ITFG1: variants seen among roughly 807,000 people sequenced by gnomAD.
The protein encoded by ITFG1 is T-cell immunomodulatory protein.
Under a neutral mutation model 81.8 loss-of-function variants are expected in ITFG1, and 34 were observed. The ratio of observed to expected loss-of-function variants is 0.42; its 90% CI spans 0.32 to 0.55. The LOEUF is 0.55. Ranked by LOEUF, ITFG1 falls within the 20% of genes least tolerant of loss-of-function variation. ITFG1 has a pLI of 0.17. For synonymous variants in ITFG1, 285 were observed against 270.6 expected (o/e 1.05, Z -0.52); for missense variants, 672 against 755.4 (o/e 0.89, Z 1.29).
rs562512866 is a variant in ITFG1, at chr16:47,257,842, T to C, written c.1330+790A>G. Among the ~76,000 whole-genome samples, 7 of 152,300 alleles carry C rather than the reference T, an allele frequency of 4.6e-5. No individual in the cohort carries two copies. The South Asian group carries it at 8.3e-4, about 18-fold the overall frequency. On this transcript the variant is annotated intron_variant, in intron 12 of 17. Coordinates refer to ENST00000320640, the MANE Select transcript of ITFG1 (RefSeq NM_030790.5). ...GTGGTTTTGAAATACTGTTCTCTAC[T>C]AAAAGAGAGAAATGTCTGATTCCTT... is the stretch of plus-strand genomic sequence containing the variant.
At chr16:47,328,674 C>G (rs973672069) in intron 8 of ITFG1, among the ~76,000 whole-genome samples, 2 of 152,008 alleles carry the variant, frequency 1.3e-5, no homozygotes, top group African/African-American at 4.8e-5. Flanking sequence ...GCTATTAATT[C>G]TTTTGTCTAT....
intron 6 of ITFG1, among the ~76,000 whole-genome samples, chr16:47,392,326 C>T (rs987446616): frequency 6.6e-6 from 1 of 152,086 alleles, no homozygotes. Flanking sequence ...GGAAGTGAGC[C>T]CTGTGGATAT....
upstream of ITFG1, chr16:47,461,131 G>C: frequency 7.6e-7 from 1 of 1,309,766 alleles, no homozygotes. Context: ...AGAGAGTGGC[G>C]CGCAGCCCCG....
At chr16:47,424,193 G>A (rs562396266) in intron 6 of ITFG1, among the ~76,000 whole-genome samples, 17 of 152,024 alleles carry the variant, frequency 1.1e-4, no homozygotes, top group Non-Finnish European at 2.1e-4. Flanking sequence ...TTCAATCACT[G>A]ATACTCTTTG....
chr16:47,407,164 A>G (rs1005182899), intron 6 of ITFG1, among the ~76,000 whole-genome samples: 1 of 152,214 alleles, frequency 6.6e-6, no homozygotes, highest in African/African-American at 2.4e-5. Flanking sequence ...ATGGGAGACA[A>G]GGGTGGAAGC....
chr16:47,355,461 A>C (rs544672488), intron 8 of ITFG1, among the ~76,000 whole-genome samples: 1 of 152,294 alleles, frequency 6.6e-6, no homozygotes, highest in African/African-American at 2.4e-5. Context: ...CTGGTGTTCT[A>C]CTGCACAGTA....
intron 6 of ITFG1, among the ~76,000 whole-genome samples, chr16:47,422,437 T>C (rs1052854390): frequency 4.6e-5 from 7 of 152,238 alleles, no homozygotes; most frequent in Non-Finnish European, 7.3e-5. Flanking sequence ...ATCAGGGATA[T>C]TGGCCTAAAA....
At chr16:47,437,910 G>A (rs1043824440) in intron 5 of ITFG1, among the ~76,000 whole-genome samples, 3 of 152,240 alleles carry the variant, frequency 2.0e-5, no homozygotes, top group Non-Finnish European at 4.4e-5. Context: ...AAGCGCAAGG[G>A]GTCAGGGAAT....
chr16:47,399,248 C>A (rs979899228), intron 6 of ITFG1, among the ~76,000 whole-genome samples: 4 of 152,208 alleles, frequency 2.6e-5, no homozygotes, highest in Admixed American at 2.0e-4. Context: ...TTAGGAGACA[C>A]ACCTTTGTAG....
At chr16:47,352,034 CT>C (rs534578086) in intron 8 of ITFG1, among the ~76,000 whole-genome samples, 241 of 152,272 alleles carry the variant, frequency 1.6e-3, no homozygotes, top group Non-Finnish European at 2.9e-3. Flanking sequence ...GGATCCCTTC[CT>C]TACACCTTAT....
intron 16 of ITFG1, 52 bp from the exon 17 acceptor site, chr16:47,159,042 CAA>C: frequency 2.9e-6 from 3 of 1,029,994 alleles, no homozygotes; most frequent in South Asian, 1.7e-5. Flanking sequence ...TTAAAAATAA[CAA>C]AGTTATATTG....
intron 15 of ITFG1, among the ~76,000 whole-genome samples, chr16:47,162,050 AATTC>A (rs1270014628): frequency 1.3e-5 from 2 of 152,196 alleles, no homozygotes; most frequent in African/African-American, 2.4e-5. Flanking sequence ...GTGTTTTATG[AATTC>A]ATTCATTCAA....
chr16:47,373,785 T>C (rs1003041527), intron 7 of ITFG1, among the ~76,000 whole-genome samples: 12 of 152,228 alleles, frequency 7.9e-5, no homozygotes, highest in Admixed American at 1.3e-4. Flanking sequence ...GCAACTGATA[T>C]GTAAGAAGAT....
intron 10 of ITFG1, among the ~76,000 whole-genome samples, chr16:47,309,249 AAT>A (rs1172974164): frequency 6.6e-6 from 1 of 151,646 alleles, no homozygotes; most frequent in African/African-American, 2.4e-5. Flanking sequence ...TTATATTTTT[AAT>A]AGAGATGGGG....
At chr16:47,405,839 GATGA>G (rs1189337455) in intron 6 of ITFG1, among the ~76,000 whole-genome samples, 3 of 151,640 alleles carry the variant, frequency 2.0e-5, no homozygotes, top group Non-Finnish European at 2.9e-5. Flanking sequence ...TTTTTGGGGG[GATGA>G]ATAAGGGGGG....
intron 5 of ITFG1, among the ~76,000 whole-genome samples, chr16:47,437,254 C>T (rs1237242642): frequency 6.6e-6 from 1 of 151,922 alleles, no homozygotes; most frequent in East Asian, 1.9e-4. Flanking sequence ...TTACTTGAGC[C>T]TAGGGGTTCA....
At chr16:47,335,392 C>T (rs1229703149) in intron 8 of ITFG1, among the ~76,000 whole-genome samples, 1 of 151,696 alleles carries the variant, frequency 6.6e-6, no homozygotes, top group East Asian at 1.9e-4. Context: ...AAAACAAACC[C>T]AAAAGTCCCC....
chr16:47,443,056 A>G (rs1193700827), intron 5 of ITFG1, among the ~76,000 whole-genome samples: 2 of 151,692 alleles, frequency 1.3e-5, no homozygotes, highest in Non-Finnish European at 2.9e-5. Context: ...AATTTACAAG[A>G]AAAAAACAAC....
At chr16:47,436,886 C>G (rs1381417910) in intron 5 of ITFG1, among the ~76,000 whole-genome samples, 1 of 152,144 alleles carries the variant, frequency 6.6e-6, no homozygotes, top group Non-Finnish European at 1.5e-5. Flanking sequence ...AAAGGCATTA[C>G]AAACGTTTAT....
Sources: allele counts gnomAD v4.1 joint callset (sites outside exome capture counted in the v4.1 genomes callset), GRCh38; gene constraint gnomAD v4.1.1; transcripts MANE v1.5; gene names NCBI Gene and HGNC (gene_info 2026-07-23, HGNC 2026-07-21).